LPP: variants seen among roughly 807,000 people sequenced by gnomAD.
LPP encodes LIM domain containing preferred translocation partner in lipoma.
Under a neutral mutation model 60.4 loss-of-function variants are expected in LPP, and 38 were observed. That is an observed-to-expected ratio of 0.63 (90% CI 0.49 to 0.83). LPP has a LOEUF of 0.83. LPP is among the 40% of genes least tolerant of loss of function. The pLI, the probability that LPP is intolerant of heterozygous loss-of-function variation, is 0.00. For synonymous variants in LPP, 328 were observed against 290.8 expected, an observed-to-expected ratio of 1.13 and a Z score of -1.30; for missense variants, 902 against 783.6, an observed-to-expected ratio of 1.15 and a Z score of -1.80.
At chr3:188,819,406 T>C (rs1336406173) in intron 9 of LPP, among the ~76,000 whole-genome samples, 1 of 151,842 alleles carries the variant, frequency 6.6e-6, no homozygotes, top group Non-Finnish European at 1.5e-5. Flanking sequence ...AAACCCTGAA[T>C]ACCTATTGCA....
intron 7 of LPP, among the ~76,000 whole-genome samples, chr3:188,668,307 A>G (rs145036965): frequency 6.6e-4 from 101 of 152,284 alleles, no homozygotes; most frequent in African/African-American, 2.3e-3. Flanking sequence ...ATGCCTGGAC[A>G]TGAACAATGT....
At chr3:188,729,383 T>A (rs1324389100) in intron 8 of LPP, among the ~76,000 whole-genome samples, 1 of 152,204 alleles carries the variant, frequency 6.6e-6, no homozygotes, top group Non-Finnish European at 1.5e-5. Context: ...TGTTGACTAT[T>A]GTCAAACAAT....
chr3:188,590,338 C>T (rs959098446), intron 6 of LPP, among the ~76,000 whole-genome samples: 1 of 151,964 alleles, frequency 6.6e-6, no homozygotes, highest in Non-Finnish European at 1.5e-5. Flanking sequence ...TTTGGGAGGC[C>T]GAGGCGGGTG....
chr3:188,197,506 G>C (rs1729875657), intron 1 of LPP, among the ~76,000 whole-genome samples: 2 of 152,140 alleles, frequency 1.3e-5, no homozygotes, highest in Admixed American at 6.5e-5. Context: ...CAGAATGGTT[G>C]CCTGCGTTTT....
At chr3:188,731,516 T>TTTTTGTTTTGTTTGTTTTGTTTTG (rs1553817768) in intron 8 of LPP, among the ~76,000 whole-genome samples, 1 of 145,700 alleles carries the variant, frequency 6.9e-6, no homozygotes, top group African/African-American at 2.6e-5. Context: ...TTTTTTGTTT[T>TTTTTGTTTTGTTTGTTTTGTTTTG]TTTTGTTTTG....
intron 6 of LPP, among the ~76,000 whole-genome samples, chr3:188,548,615 T>G (rs1827277390): frequency 6.6e-6 from 1 of 152,072 alleles, no homozygotes; most frequent in Non-Finnish European, 1.5e-5. Context: ...TATTTTGAAT[T>G]TGGGGATAAT....
chr3:188,371,630 TATATATATATA>T (rs1224223446), intron 3 of LPP, among the ~76,000 whole-genome samples: 1 of 30,178 alleles, frequency 3.3e-5, no homozygotes, highest in Non-Finnish European at 8.7e-5. Flanking sequence ...TATATATATA[TATATATATATA>T]TTTTTTTTTT....
chr3:188,825,597 G>A (rs1413785535), intron 9 of LPP, among the ~76,000 whole-genome samples: 2 of 151,894 alleles, frequency 1.3e-5, no homozygotes, highest in African/African-American at 4.8e-5. Flanking sequence ...AATGGAATGT[G>A]TATGTCTCTG....
At chr3:188,706,346 C>T (rs1156509488) in intron 7 of LPP, among the ~76,000 whole-genome samples, 1 of 152,166 alleles carries the variant, frequency 6.6e-6, no homozygotes, top group African/African-American at 2.4e-5. Context: ...GTAACCTGAG[C>T]ATATGCCATA....
At chr3:188,308,750 C>T (rs750487025) in intron 2 of LPP, among the ~76,000 whole-genome samples, 4 of 152,150 alleles carry the variant, frequency 2.6e-5, no homozygotes, top group African/African-American at 4.8e-5. Flanking sequence ...TGTTTCAGAA[C>T]GATAAAACTT....
At chr3:188,171,286 A>G (rs1577091454) in intron 1 of LPP, among the ~76,000 whole-genome samples, 1 of 152,230 alleles carries the variant, frequency 6.6e-6, no homozygotes, top group South Asian at 2.1e-4. Flanking sequence ...GTTCATGCCT[A>G]CACAAAGTAG....
intron 3 of LPP, among the ~76,000 whole-genome samples, chr3:188,376,070 C>T (rs899321293): frequency 2.0e-5 from 3 of 152,044 alleles, no homozygotes; most frequent in Non-Finnish European, 4.4e-5. Context: ...GTCTGAGAGA[C>T]AGTTTGTTAT....
intron 2 of LPP, among the ~76,000 whole-genome samples, chr3:188,235,171 C>T (rs917341385): frequency 6.6e-6 from 1 of 152,154 alleles, no homozygotes; most frequent in African/African-American, 2.4e-5. Context: ...GAGAGCAGAG[C>T]AGGTGGTGCT....
At chr3:188,303,727 G>A (rs1430493504) in intron 2 of LPP, among the ~76,000 whole-genome samples, 3 of 152,186 alleles carry the variant, frequency 2.0e-5, no homozygotes, top group Non-Finnish European at 4.4e-5. Context: ...GGAGTTTCCT[G>A]ACTTGCTTGA....
At chr3:188,571,279 G>T (rs1580063309) in intron 6 of LPP, among the ~76,000 whole-genome samples, 2 of 152,104 alleles carry the variant, frequency 1.3e-5, no homozygotes, top group East Asian at 3.9e-4. Flanking sequence ...AAAACTAAAT[G>T]CAATAAAAGT....
chr3:188,759,346 C>T (rs1284206766), intron 8 of LPP: 1 of 152,192 alleles, frequency 6.6e-6, no homozygotes, highest in African/African-American at 2.4e-5. Flanking sequence ...CCCTGAAAGA[C>T]TCAAAACCCT....
At position 188,785,547 on chromosome 3, in the gene LPP, T is replaced by TATATATATATACACACACACAC. The variant is rs1206082559; in HGVS notation, c.1410+25266_1410+25267insTATATATATACACACACACACA. ...ATATATATTCCATCATATATATATA[T>TATATATATATACACACACACAC]ACACACACACACACACACACACACA... On this transcript the variant is annotated intron_variant, in intron 9 of 11. Coordinates refer to ENST00000617246, the MANE Select transcript of LPP (RefSeq NM_001375462.1). 3.9e-4 allele frequency among the ~76,000 whole-genome samples: 17 copies of TATATATATATACACACACACAC among 43,846 alleles called. 2 individuals are homozygous for TATATATATATACACACACACAC. In the East Asian group the frequency reaches 9.9e-3, roughly 25 times the overall value. The allele number at this position is 43,846 out of a possible 152,430, so 28.8% of individuals were successfully genotyped here.
In LPP at chr3:188,755,939, A is replaced by T. The variant is rs74366469; in HGVS notation, c.1241-4174A>T. 6.6e-5 allele frequency among the ~76,000 whole-genome samples: 10 copies of T among 150,668 alleles called. No homozygotes were observed. In the East Asian group the frequency reaches 1.9e-3, roughly 29 times the overall value. ...CTGTAGATTTCCCTGGAATGCCACT[A>T]TTCACCCATGCCATCCCCAAAAATG... On this transcript the variant is annotated intron_variant, in intron 8 of 11. Transcript: ENST00000617246.
intron 2 of LPP, among the ~76,000 whole-genome samples, chr3:188,246,652 G>A (rs995823987): frequency 7.9e-5 from 12 of 152,144 alleles, no homozygotes; most frequent in Non-Finnish European, 1.5e-4. Context: ...GTCCCCCACA[G>A]GGCAGGAGCA....
Sources: gnomAD v4.1 joint callset for allele counts (sites outside exome capture counted in the v4.1 genomes callset) on GRCh38, gnomAD v4.1.1 for gene constraint, MANE v1.5 for transcripts, NCBI Gene and HGNC (gene_info 2026-07-23, HGNC 2026-07-21) for gene names.